The following ZNF44 variants were observed in gnomAD, a reference collection of about 807,000 sequenced individuals.
ZNF44 encodes the protein zinc finger protein 44, also known as gonadotropin inducible transcription repressor-2.
Under a neutral mutation model 11.7 loss-of-function variants are expected in ZNF44, and 9 were observed. The observed-to-expected ratio is 0.77, with a 90% CI of 0.46 to 1.35. ZNF44 has a LOEUF of 1.35. ZNF44 is among the 40% of genes most tolerant of loss of function. The pLI is 0.00. For missense variants in ZNF44, 696 were observed against 743.1 expected (o/e 0.94, Z 0.74); for synonymous variants, 224 against 242.7 (o/e 0.92, Z 0.72).
At chr19:12,257,798 C>CAAAAAAAA (rs1221289652) in intron 5 of ZNF44, among the ~76,000 whole-genome samples, 1 of 53,670 alleles carries the variant, frequency 1.9e-5, no homozygotes. Flanking sequence ...AACTCTGTCT[C>CAAAAAAAA]AAAAAAAAAA....
chr19:12,263,642 A>G (rs1917608388), intron 5 of ZNF44, among the ~76,000 whole-genome samples: 1 of 151,876 alleles, frequency 6.6e-6, no homozygotes, highest in Admixed American at 6.6e-5. Flanking sequence ...CAAAAAAATT[A>G]GCGCTGGGTG....
chr19:12,249,930 T>C (rs948778956), intron 7 of ZNF44: 3 of 1,175,644 alleles, frequency 2.6e-6, no homozygotes, highest in Non-Finnish European at 3.3e-6. Context: ...AATGACATAC[T>C]AAGATTTTTC....
downstream of ZNF44, among the ~76,000 whole-genome samples, chr19:12,225,719 A>C (rs1468477458): frequency 1.3e-5 from 2 of 152,248 alleles, no homozygotes; most frequent in African/African-American, 4.8e-5. Context: ...AATAATTTCC[A>C]TTAAAAAGTT....
downstream of ZNF44, chr19:12,247,449 T>C (rs1281045872): frequency 2.3e-6 from 3 of 1,331,204 alleles, no homozygotes; most frequent in East Asian, 5.0e-5. Flanking sequence ...ATAGGGTTTC[T>C]CTCCAGTATG....
chr19:12,233,473 G>A (rs138446319), intron 2 of ZNF44, among the ~76,000 whole-genome samples: 31 of 149,220 alleles, frequency 2.1e-4, no homozygotes, highest in East Asian at 1.6e-3. Flanking sequence ...AACAAGGCCC[G>A]GAGAAATTGA....
intron 1 of ZNF44, among the ~76,000 whole-genome samples, chr19:12,294,419 A>G (rs1177912160): frequency 1.3e-5 from 2 of 152,194 alleles, no homozygotes; most frequent in Non-Finnish European, 2.9e-5. Context: ...ATCTGGGGAG[A>G]AGCGGGGCTG....
At chr19:12,250,246 A>G (rs2145690515) in exon 6 of ZNF44, 1 of 1,360,804 alleles carries the variant, frequency 7.3e-7, no homozygotes, top group East Asian at 4.6e-5. Flanking sequence ...TTTTACCTAT[A>G]GTGGCCAGGT....
chr19:12,249,520 A>G lies in ZNF44; in HGVS notation c.*186+458T>C, dbSNP rs1013070513. 5.9e-4 allele frequency among the ~76,000 whole-genome samples: 89 copies of G among 151,556 alleles called. 1 individual carries two copies. Among genetic ancestry groups the G allele is most frequent in the African/African-American group, 2.0e-3 (82 of 41,334 alleles). On this transcript the variant is annotated intron_variant and NMD_transcript_variant, in intron 7 of 7. Transcript: ENST00000393337. ...GACTCCGTCTCAGAAAAAAAAAAAA[A>G]AAAAAGAAAAGAAAGCACTTTGGGT...
downstream of ZNF44, chr19:12,244,764 A>G (rs1916722783): frequency 2.0e-5 from 3 of 152,400 alleles, no homozygotes; most frequent in African/African-American, 7.2e-5. Context: ...GTGCCACTCT[A>G]TTCTTTCTGC....
downstream of ZNF44, among the ~76,000 whole-genome samples, chr19:12,270,596 C>T (rs147797370): frequency 8.2e-4 from 124 of 152,096 alleles, 1 homozygote; most frequent in African/African-American, 2.8e-3. Flanking sequence ...GGACTACATG[C>T]GCATGACACC....
At position 12,248,802 on chromosome 19, in the gene ZNF44, T is replaced by C. The variant is rs182287468; in HGVS notation, c.*187-124A>G. 1.9e-4 allele frequency: 98 copies of C among 524,554 alleles called. 1 individual carries two copies. The East Asian group carries it at 6.6e-3, about 35-fold the overall frequency. The allele number at this position is 524,554 out of a possible 1,614,324, so 32.5% of individuals were successfully genotyped here. A position where few individuals can be genotyped will look rare whatever the true frequency, so the allele number is the denominator to read the frequency against. On this transcript the variant is annotated intron_variant and NMD_transcript_variant, in intron 7 of 7. Coordinates refer to the ZNF44 transcript ENST00000393337. ...TACAGATTTTTTTGTCCTGTCTAAATTGCTTGTGAGGTGAATGTACTGAAT... is the reference window on the plus strand; with the variant it reads ...TACAGATTTTTTTGTCCTGTCTAAACTGCTTGTGAGGTGAATGTACTGAAT...
intron 1 of ZNF44, among the ~76,000 whole-genome samples, chr19:12,294,450 G>A (rs1024662038): frequency 6.6e-6 from 1 of 152,262 alleles, no homozygotes; most frequent in East Asian, 1.9e-4. Context: ...GCTGCCCAGA[G>A]AGGGGCGCCG....
chr19:12,235,081 A>C (rs949936384), intron 1 of ZNF44, among the ~76,000 whole-genome samples: 27 of 152,214 alleles, frequency 1.8e-4, no homozygotes, highest in African/African-American at 6.5e-4. Context: ...CACAGGGTAC[A>C]AAAGATTGGT....
At chr19:12,242,982 A>G (rs1432589913), downstream of ZNF44, 1 of 152,244 alleles carries the variant, frequency 6.6e-6, no homozygotes, top group African/African-American at 2.4e-5. Context: ...CCAGCAATAG[A>G]AATGACATAA....
chr19:12,291,273 T>C (rs1416362261), intron 1 of ZNF44: 1 of 454,112 alleles, frequency 2.2e-6, no homozygotes, highest in Non-Finnish European at 4.4e-6. Flanking sequence ...GAAACTAAAG[T>C]TTTGATAAAG....
At chr19:12,275,842 G>A in intron 2 of ZNF44, 114 bp downstream of exon 2, 1 of 1,338,558 alleles carries the variant, frequency 7.5e-7, no homozygotes, top group South Asian at 1.4e-5. Flanking sequence ...TTCACCCTGT[G>A]TTGTTCAGGA....
At chr19:12,242,450 C>T (rs1019990734), upstream of ZNF44, among the ~76,000 whole-genome samples, 8 of 149,384 alleles carry the variant, frequency 5.4e-5, no homozygotes, top group Non-Finnish European at 1.0e-4. Flanking sequence ...GCGGAGCTTG[C>T]AGTGAGCCGA....
chr19:12,249,971 G>A, intron 7 of ZNF44: 1 of 1,280,834 alleles, frequency 7.8e-7, no homozygotes, highest in Non-Finnish European at 1.0e-6. Context: ...TTCTGAGTGT[G>A]ACTCACCTGA....
chr19:12,274,747 T>A (rs1019845720), intron 3 of ZNF44, among the ~76,000 whole-genome samples: 6 of 152,092 alleles, frequency 3.9e-5, no homozygotes, highest in Non-Finnish European at 7.3e-5. Flanking sequence ...ATATGGGAAA[T>A]CTTAATATTG....
Sources: gnomAD v4.1 joint callset for allele counts (sites outside exome capture counted in the v4.1 genomes callset) on GRCh38, gnomAD v4.1.1 for gene constraint, MANE v1.5 for transcripts, NCBI Gene and HGNC (gene_info 2026-07-23, HGNC 2026-07-21) for gene names.